The following C13orf46 variants were observed in gnomAD, a reference collection of about 807,000 sequenced individuals.
C13orf46 encodes the protein chromosome 13 open reading frame 46.
At chr13:113,939,510 G>C in the C13orf46 span, among the ~76,000 whole-genome samples, 1 of 152,200 alleles carries the variant, frequency 6.6e-6, no homozygotes, top group Non-Finnish European at 1.5e-5. Context: ...GGAGGACAGA[G>C]ACCACGTGGA....
chr13:113,938,522 G>T, the C13orf46 span, among the ~76,000 whole-genome samples: 2 of 152,150 alleles, frequency 1.3e-5, no homozygotes, highest in African/African-American at 4.8e-5. Context: ...CAGACCTTAC[G>T]CTGGGTCCAG....
At chr13:113,961,360 T>C (rs2138982568) in intron 6 of C13orf46, among the ~76,000 whole-genome samples, 1 of 152,046 alleles carries the variant, frequency 6.6e-6, no homozygotes, top group East Asian at 1.9e-4. Context: ...TATGGGCATG[T>C]TATCCGTGTG....
Position 113,973,010 on chromosome 13 carries a change from C to T in C13orf46, c.190+798G>A, listed in dbSNP as rs186717006. On this transcript the variant is annotated intron_variant, in intron 1 of 6. Coordinates refer to ENST00000636427, the MANE Select transcript of C13orf46 (RefSeq NM_001365455.2). ...CTCCCCACTTCCACCCTTAGCGTTC[C>T]GAGCACAGGGCAGCGGGAGGCAGGA... 2.5e-3 allele frequency among the ~76,000 whole-genome samples: 384 copies of T among 152,306 alleles called. 2 individuals carry two copies. Among genetic ancestry groups the T allele is most frequent in the African/African-American group, 8.4e-3 (351 of 41,556 alleles).
At chr13:113,965,572 ATGATGATTATAATGGTGG>A (rs1158872697) in intron 5 of C13orf46, among the ~76,000 whole-genome samples, 2 of 150,520 alleles carry the variant, frequency 1.3e-5, no homozygotes, top group Non-Finnish European at 2.9e-5. Flanking sequence ...GATGGTGATG[ATGATGATTATAATGGTGG>A]TGATGATGAC....
At chr13:113,973,551 T>A (rs553309058) in intron 1 of C13orf46, among the ~76,000 whole-genome samples, 7 of 152,300 alleles carry the variant, frequency 4.6e-5, no homozygotes, top group Non-Finnish European at 8.8e-5. Flanking sequence ...AGGCTGTCCC[T>A]TTCCGGACAG....
At chr13:113,961,745 T>C (rs1156664153) in intron 6 of C13orf46, among the ~76,000 whole-genome samples, 2 of 152,224 alleles carry the variant, frequency 1.3e-5, no homozygotes, top group Non-Finnish European at 2.9e-5. Context: ...GTAGTTACTG[T>C]GATGCTGTGA....
chr13:113,973,331 C>T (rs9805731), intron 1 of C13orf46, among the ~76,000 whole-genome samples: 1,740 of 152,278 alleles, frequency 0.011, 25 homozygotes, highest in African/African-American at 0.04. Context: ...GATCACGGTC[C>T]TCCCTCTGCT....
chr13:113,955,965 T>C lies in C13orf46; in HGVS notation c.*808A>G, dbSNP rs1405103512. On this transcript the variant is annotated 3_prime_UTR_variant, in exon 7 of 7. Coordinates refer to ENST00000636427, the MANE Select transcript of C13orf46 (RefSeq NM_001365455.2). ...CATCTGGCGGAGACGAGGAGGAGCA[T>C]CTGGCGGAGACGAGGAGTAGGATCT... The C allele has an allele frequency of 2.2e-5, 3 of 136,520 alleles. No individual in the cohort carries two copies. The East Asian group carries it at 6.8e-4, about 31-fold the overall frequency. The allele number at this position is 136,520 out of a possible 1,614,324, so 8.5% of individuals were successfully genotyped here.
intron 6 of C13orf46, among the ~76,000 whole-genome samples, chr13:113,960,933 C>A (rs1384139771): frequency 1.3e-5 from 2 of 152,332 alleles, no homozygotes; most frequent in African/African-American, 4.8e-5. Flanking sequence ...AAGATAATTT[C>A]TCCTTTATCT....
intron 5 of C13orf46, among the ~76,000 whole-genome samples, chr13:113,965,731 GTGAAGGTGA>G (rs2052630576): frequency 4.4e-5 from 5 of 114,838 alleles, no homozygotes; most frequent in East Asian, 2.3e-4. Flanking sequence ...GGTGATGATG[GTGAAGGTGA>G]TGATGGTGAT....
downstream of C13orf46, among the ~76,000 whole-genome samples, chr13:113,952,173 T>C: frequency 6.6e-6 from 1 of 152,280 alleles, no homozygotes; most frequent in East Asian, 1.9e-4. Context: ...AGGTGGCCAG[T>C]GGCACGGACA....
the C13orf46 span, among the ~76,000 whole-genome samples, chr13:113,936,336 G>A: frequency 5.9e-5 from 9 of 152,200 alleles, no homozygotes; most frequent in East Asian, 3.9e-4. Flanking sequence ...GTGAGGATGC[G>A]GTATTGGCCC....
At chr13:113,959,830 C>T (rs1218078302) in intron 6 of C13orf46, among the ~76,000 whole-genome samples, 1 of 152,184 alleles carries the variant, frequency 6.6e-6, no homozygotes, top group Non-Finnish European at 1.5e-5. Flanking sequence ...TAGGACAAAG[C>T]ACAAAGTCCA....
the C13orf46 span, among the ~76,000 whole-genome samples, chr13:113,938,534 A>T: frequency 6.6e-6 from 1 of 152,178 alleles, no homozygotes; most frequent in Admixed American, 6.5e-5. Context: ...TGGGTCCAGC[A>T]GCCTCTCCAT....
chr13:113,958,522 C>T (rs1002997850), intron 6 of C13orf46, among the ~76,000 whole-genome samples: 16 of 152,330 alleles, frequency 1.1e-4, no homozygotes, highest in Admixed American at 5.2e-4. Flanking sequence ...TTCGTGATTA[C>T]GCCTCTGTAA....
the C13orf46 span, among the ~76,000 whole-genome samples, chr13:113,939,234 C>T: frequency 6.6e-6 from 1 of 152,218 alleles, no homozygotes; most frequent in Non-Finnish European, 1.5e-5. Context: ...AGGGCTGCAG[C>T]TGGCCCCTTC....
At chr13:113,941,836 G>T in the C13orf46 span, among the ~76,000 whole-genome samples, 1 of 152,180 alleles carries the variant, frequency 6.6e-6, no homozygotes, top group African/African-American at 2.4e-5. Context: ...CTAGGCCTCC[G>T]CATGTCACCT....
the C13orf46 span, among the ~76,000 whole-genome samples, chr13:113,946,851 C>T: frequency 6.6e-6 from 1 of 152,266 alleles, no homozygotes; most frequent in Non-Finnish European, 1.5e-5. Flanking sequence ...TGGGGAACAG[C>T]AAAGCCACAG....
rs1049249362 is a variant in C13orf46 at position 113,968,145 on chromosome 13, G to A, written c.456+322C>T. On this transcript the variant is annotated intron_variant, in intron 4 of 6. Coordinates refer to ENST00000636427, the MANE Select transcript of C13orf46 (RefSeq NM_001365455.2). ...ACCCCCACAGCATGACGTGTCCCTG[G>A]ACAACACATCAAGCCTGGGGCTCTG... Among the ~76,000 whole-genome samples, 347 of 152,312 alleles carry A rather than the reference G, an allele frequency of 2.3e-3. 1 individual carries two copies. Among genetic ancestry groups the A allele is most frequent in the Non-Finnish European group, 3.9e-3 (267 of 68,030 alleles).
Sources: allele counts gnomAD v4.1 joint callset (sites outside exome capture counted in the v4.1 genomes callset), GRCh38; gene constraint gnomAD v4.1.1; transcripts MANE v1.5; gene names NCBI Gene and HGNC (gene_info 2026-07-23, HGNC 2026-07-21).